A4GALT: variants seen among roughly 807,000 people sequenced by gnomAD.
A4GALT encodes the protein alpha 1,4-galactosyltransferase (P1PK blood group).
For synonymous variants in A4GALT, 257 were observed against 220.7 expected, an observed-to-expected ratio of 1.16 and a Z score of -1.46; for missense variants, 512 against 486.0, an observed-to-expected ratio of 1.05 and a Z score of -0.50.
chr22:42,719,736 G>T (rs1361196276), intron 1 of A4GALT, among the ~76,000 whole-genome samples: 1 of 152,158 alleles, frequency 6.6e-6, no homozygotes, highest in Non-Finnish European at 1.5e-5. Flanking sequence ...TGACAAAGGG[G>T]AAGTCTTTGG....
At chr22:42,711,131 C>G (rs1921655038) in intron 1 of A4GALT, among the ~76,000 whole-genome samples, 1 of 151,976 alleles carries the variant, frequency 6.6e-6, no homozygotes, top group Non-Finnish European at 1.5e-5. Flanking sequence ...AATAAGAAGA[C>G]TAACACCCCA....
At chr22:42,713,042 T>C (rs1448826170) in intron 1 of A4GALT, among the ~76,000 whole-genome samples, 1 of 152,232 alleles carries the variant, frequency 6.6e-6, no homozygotes, top group African/African-American at 2.4e-5. Context: ...GTCTATCTTC[T>C]ACACCCTGCT....
chr22:42,696,507 G>A (rs1360477579), intron 1 of A4GALT, among the ~76,000 whole-genome samples: 1 of 151,996 alleles, frequency 6.6e-6, no homozygotes, highest in Non-Finnish European at 1.5e-5. Flanking sequence ...AAGCACCAAG[G>A]ATGAGCAGGT....
At position 42,693,681 on chromosome 22, in the gene A4GALT, T is replaced by G. The variant is rs1930680079; in HGVS notation, c.271A>C (p.Asn91His). The G allele has an allele frequency of 1.5e-6, 2 of 1,319,108 alleles. No individual in the cohort carries two copies. Among genetic ancestry groups the G allele is most frequent in the African/African-American group, 3.8e-5 (2 of 52,462 alleles). The allele number at this position is 1,319,108 out of a possible 1,614,324, so 81.7% of individuals were successfully genotyped here. Residue 91 changes from asparagine (N) to histidine (H), a missense_variant, in exon 3 of 3, where the codon AAC becomes CAC. By Grantham distance (68) the Asn-to-His change is moderately conservative. Transcript: ENST00000642412. The stretch of plus-strand genomic sequence containing the variant: ...TCCACCGAGCACATGAACAGGAAGT[T>G]GGGGTTGGTCCGGTCTGAAGTCTCC... ...FLETSDRTNP[N>H]FLFMCSVESA...
chr22:42,702,135 T>C (rs917971383), intron 1 of A4GALT, among the ~76,000 whole-genome samples: 4 of 151,930 alleles, frequency 2.6e-5, no homozygotes, highest in Non-Finnish European at 4.4e-5. Flanking sequence ...CCTTTCTCTC[T>C]CCTCATCCCC....
intron 1 of A4GALT, among the ~76,000 whole-genome samples, chr22:42,704,883 G>C (rs1602007307): frequency 1.4e-5 from 2 of 143,522 alleles, no homozygotes; most frequent in South Asian, 4.7e-4. Context: ...GGGGGGCGGG[G>C]GGGGGCGGCG....
rs1232471442 is a variant in A4GALT, at chr22:42,693,789, G to T, written c.163C>A (p.Leu55Met). The change falls in exon 3 of 3, where the codon CTG becomes ATG. Residue 55 changes from leucine to methionine, a missense_variant. Physicochemically the swap from Leu to Met is conservative, Grantham distance 15. Coordinates refer to ENST00000642412, the MANE Select transcript of A4GALT (RefSeq NM_017436.7). ...GTGGGGCAGGGGATCTCTGCTGGCA[G>T]GTTATAGAGCTGCCCTTTCTCCTTG... ...EPKEKGQLYN[L>M]PAEIPCPTLT... 2 of 1,601,912 alleles carry T rather than the reference G, an allele frequency of 1.2e-6. No individual in the cohort carries two copies. Among genetic ancestry groups the T allele is most frequent in the Non-Finnish European group, 1.7e-6 (2 of 1,174,426 alleles).
chr22:42,699,465 C>T (rs956167527), intron 1 of A4GALT, among the ~76,000 whole-genome samples: 1 of 152,176 alleles, frequency 6.6e-6, no homozygotes, highest in African/African-American at 2.4e-5. Flanking sequence ...TGTGAGTGGC[C>T]ACGACCCTCC....
intron 1 of A4GALT, among the ~76,000 whole-genome samples, chr22:42,696,707 C>A (rs1409029483): frequency 6.6e-6 from 1 of 151,976 alleles, no homozygotes; most frequent in East Asian, 1.9e-4. Flanking sequence ...ATATCAGCCA[C>A]GTCATTCTCA....
chr22:42,696,451 G>A (rs1448501707), intron 1 of A4GALT, among the ~76,000 whole-genome samples: 1 of 150,804 alleles, frequency 6.6e-6, no homozygotes, highest in African/African-American at 2.4e-5. Flanking sequence ...AAGAAAAAAG[G>A]AAACAGACAA....
intron 2 of A4GALT, among the ~76,000 whole-genome samples, chr22:42,694,237 G>A (rs1930755048): frequency 6.6e-6 from 1 of 152,256 alleles, no homozygotes; most frequent in South Asian, 2.1e-4. Flanking sequence ...ACACACCTGT[G>A]AGCTCACCCA....
At chr22:42,696,427 GAAAAAA>G (rs59139000) in intron 1 of A4GALT, among the ~76,000 whole-genome samples, 4 of 122,226 alleles carry the variant, frequency 3.3e-5, no homozygotes, top group African/African-American at 1.2e-4. Flanking sequence ...TTTCAAAAAG[GAAAAAA>G]AAAAAAAAAG....
chr22:42,710,987 T>C (rs1227240314), intron 1 of A4GALT, among the ~76,000 whole-genome samples: 1 of 151,156 alleles, frequency 6.6e-6, no homozygotes, highest in African/African-American at 2.4e-5. Flanking sequence ...ATCACACCAC[T>C]GCACTCCAGC....
Position 42,693,271 on chromosome 22 carries a change from G to C in A4GALT, c.681C>G (p.His227Gln). 1 of 1,612,892 alleles carries C rather than the reference G, an allele frequency of 6.2e-7. No homozygotes were observed. The highest frequency in any genetic ancestry group is 8.5e-7 in the Non-Finnish European group (1 of 1,179,918). ...NGAFLAFERR[H>Q]EFMALCMRDF... Reference sequence around the variant, plus strand: ...CCCGCATGCACAGCGCCATGAACTCGTGCCGGCGCTCGAAGGCCAGGAACG... The same window carrying C: ...CCCGCATGCACAGCGCCATGAACTCCTGCCGGCGCTCGAAGGCCAGGAACG... The change falls in exon 3 of 3, where the codon CAC becomes CAG. Residue 227 changes from histidine to glutamine, a missense_variant. Transcript: ENST00000642412.
At chr22:42,707,052 T>C (rs561530790) in intron 1 of A4GALT, among the ~76,000 whole-genome samples, 27 of 152,270 alleles carry the variant, frequency 1.8e-4, no homozygotes, top group African/African-American at 6.5e-4. Context: ...AATTTACCAC[T>C]TTCAGTTCAA....
intron 1 of A4GALT, among the ~76,000 whole-genome samples, chr22:42,709,067 A>ATATTT (rs1180529043): frequency 7.8e-6 from 1 of 128,806 alleles, no homozygotes; most frequent in African/African-American, 2.8e-5. Context: ...ATATATATAT[A>ATATTT]TTTTTTTTAA....
In A4GALT at chr22:42,693,711, A is replaced by G. The variant is rs1930686427; in HGVS notation, c.241T>C (p.Phe81Leu). 2 of 1,333,664 alleles carry G rather than the reference A, an allele frequency of 1.5e-6. No individual in the cohort carries two copies. The highest frequency in any genetic ancestry group is 9.1e-5 in the East Asian group (2 of 21,970). The allele number at this position is 1,333,664 out of a possible 1,614,324, so 82.6% of individuals were successfully genotyped here. Residue 81 changes from phenylalanine to leucine, a missense_variant, in exon 3 of 3, where the codon TTC (phenylalanine) becomes CTC (leucine). By Grantham distance (22) the Phe-to-Leu change is conservative. Coordinates refer to ENST00000642412, the MANE Select transcript of A4GALT (RefSeq NM_017436.7). ...SHGPTPGNIF[F>L]LETSDRTNPN... ...TTGGTCCGGTCTGAAGTCTCCAGGA[A>G]GAAGATGTTGCCTGGAGTGGGGCCG...
At position 42,693,596 on chromosome 22, in the gene A4GALT, C is replaced by G; in HGVS notation, c.356G>C (p.Gly119Ala). 1 of 1,613,612 alleles carries G rather than the reference C, an allele frequency of 6.2e-7. No individual in the cohort carries two copies. Among genetic ancestry groups the G allele is most frequent in the Non-Finnish European group, 8.5e-7 (1 of 1,180,008 alleles). ...HVLVLMKGLP[G>A]GNASLPRHLG... ...GTGCCGGGGCAGAGAGGCGTTGCCACCCGGAAGCCCTTTCATCAGGACCAG... is the reference window on the plus strand; with the variant it reads ...GTGCCGGGGCAGAGAGGCGTTGCCAGCCGGAAGCCCTTTCATCAGGACCAG... The change falls in exon 3 of 3, where the codon GGT becomes GCT. Residue 119 changes from glycine to alanine, a missense_variant. Coordinates refer to ENST00000642412, the MANE Select transcript of A4GALT (RefSeq NM_017436.7).
At chr22:42,709,067 A>ATATATATATATTTTTTTTT (rs1180529043) in intron 1 of A4GALT, among the ~76,000 whole-genome samples, 103 of 128,814 alleles carry the variant, frequency 8.0e-4, no homozygotes, top group South Asian at 1.8e-3. Flanking sequence ...ATATATATAT[A>ATATATATATATTTTTTTTT]TTTTTTTTAA....
Sources: gnomAD v4.1 joint callset for allele counts (sites outside exome capture counted in the v4.1 genomes callset) on GRCh38, gnomAD v4.1.1 for gene constraint, MANE v1.5 for transcripts, NCBI Gene and HGNC (gene_info 2026-07-23, HGNC 2026-07-21) for gene names.